Variants in SUGCT observed in about 807,000 individuals in gnomAD.
The protein encoded by SUGCT is succinyl-CoA:glutarate-CoA transferase.
In SUGCT, 41 loss-of-function variants were observed where a neutral mutation model predicts 55.0. That is an observed-to-expected ratio of 0.74 (90% confidence interval 0.58 to 0.97). The LOEUF (loss-of-function observed/expected upper bound fraction) is 0.97, where lower values mean the gene tolerates loss of function less well. Among genes scored for constraint, SUGCT ranks in the 50% least tolerant of loss-of-function variants. The pLI, the probability that SUGCT is intolerant of heterozygous loss-of-function variation, is 0.00. For missense variants in SUGCT, 568 were observed against 547.8 expected (o/e 1.04, Z -0.37); for synonymous variants, 187 against 200.4 (o/e 0.93, Z 0.56).
the SUGCT span, among the ~76,000 whole-genome samples, chr7:40,869,757 A>G: frequency 2.6e-5 from 4 of 152,096 alleles, no homozygotes; most frequent in Non-Finnish European, 5.9e-5. Flanking sequence ...AATCTGGGTC[A>G]GTCTCCAATC....
chr7:40,898,105 A>T, the SUGCT span, among the ~76,000 whole-genome samples: 1 of 152,280 alleles, frequency 6.6e-6, no homozygotes, highest in Non-Finnish European at 1.5e-5. Flanking sequence ...CTCACCCAGA[A>T]GGTCTGCAGC....
chr7:40,782,039 A>C (rs888047340), intron 13 of SUGCT, among the ~76,000 whole-genome samples: 5 of 152,098 alleles, frequency 3.3e-5, no homozygotes, highest in African/African-American at 1.2e-4. Flanking sequence ...GATTTTGGGT[A>C]ATTTTTATCT....
At chr7:40,712,245 G>C (rs912012799) in intron 12 of SUGCT, among the ~76,000 whole-genome samples, 1 of 152,136 alleles carries the variant, frequency 6.6e-6, no homozygotes, top group Non-Finnish European at 1.5e-5. Context: ...TTTGTTAAAG[G>C]AGCAACGCTA....
At chr7:40,352,623 C>A (rs1298696140) in intron 9 of SUGCT, among the ~76,000 whole-genome samples, 3 of 152,160 alleles carry the variant, frequency 2.0e-5, no homozygotes, top group African/African-American at 7.2e-5. Context: ...TCCATAAATA[C>A]ATGATTCATT....
chr7:40,446,880 C>G (rs1361321606), intron 9 of SUGCT, among the ~76,000 whole-genome samples: 1 of 152,114 alleles, frequency 6.6e-6, no homozygotes, highest in Non-Finnish European at 1.5e-5. Context: ...ACTAGCCACA[C>G]GTGGCTATTG....
intron 12 of SUGCT, among the ~76,000 whole-genome samples, chr7:40,736,874 A>G (rs1787190250): frequency 6.6e-6 from 1 of 152,204 alleles, no homozygotes. Flanking sequence ...CTAAAGAACT[A>G]TTCTACAGGA....
At chr7:40,272,321 T>A (rs1792120949) in intron 7 of SUGCT, among the ~76,000 whole-genome samples, 1 of 149,592 alleles carries the variant, frequency 6.7e-6, no homozygotes, top group Non-Finnish European at 1.5e-5. Context: ...GTACTAGGGG[T>A]GTGTGCCACC....
At chr7:40,998,907 G>A in the SUGCT span, among the ~76,000 whole-genome samples, 96 of 152,334 alleles carry the variant, frequency 6.3e-4, 1 homozygote, top group African/African-American at 2.2e-3. Flanking sequence ...TGCAGAAAAT[G>A]TGTTGAAAAG....
At chr7:40,848,354 G>A (rs1042061426) in intron 13 of SUGCT, among the ~76,000 whole-genome samples, 18 of 152,126 alleles carry the variant, frequency 1.2e-4, no homozygotes, top group Non-Finnish European at 2.4e-4. Flanking sequence ...TCCCCCTTAA[G>A]GAAATGTATA....
intron 12 of SUGCT, among the ~76,000 whole-genome samples, chr7:40,581,552 C>T (rs1797091163): frequency 6.6e-6 from 1 of 152,126 alleles, no homozygotes; most frequent in Non-Finnish European, 1.5e-5. Context: ...ATGAAGGAAG[C>T]CACATGGCGT....
At position 40,604,811 on chromosome 7, in the gene SUGCT, A is replaced by G. The variant is rs141734919; in HGVS notation, c.1089+108425A>G. Among the ~76,000 whole-genome samples, 65 of 152,236 alleles carry G rather than the reference A, an allele frequency of 4.3e-4. No homozygotes were observed. The East Asian group carries it at 0.01, about 24-fold the overall frequency. On this transcript the variant is annotated intron_variant, in intron 12 of 13. Coordinates refer to ENST00000335693, the MANE Select transcript of SUGCT (RefSeq NM_001193313.2). ...AGAGCCTCACCTTTGCCCTCTCCCT[A>G]TTTGCTCCCAAACGGGTTTGCCTGA...
At chr7:40,772,001 A>G (rs1026391607) in intron 13 of SUGCT, among the ~76,000 whole-genome samples, 7 of 152,044 alleles carry the variant, frequency 4.6e-5, no homozygotes, top group African/African-American at 1.7e-4. Flanking sequence ...AACTAGGGTG[A>G]CCATATGTTC....
chr7:40,512,376 G>A (rs1395921077), intron 12 of SUGCT, among the ~76,000 whole-genome samples: 1 of 152,136 alleles, frequency 6.6e-6, no homozygotes. Flanking sequence ...TGGAGTTATG[G>A]ATATCTGAAT....
At chr7:40,690,817 A>G (rs1187880481) in intron 12 of SUGCT, among the ~76,000 whole-genome samples, 1 of 152,130 alleles carries the variant, frequency 6.6e-6, no homozygotes, top group East Asian at 1.9e-4. Context: ...GGCTCAAGCC[A>G]TCCACACTCC....
intron 12 of SUGCT, among the ~76,000 whole-genome samples, chr7:40,744,158 A>G (rs891469663): frequency 9.9e-5 from 15 of 151,360 alleles, no homozygotes; most frequent in Non-Finnish European, 2.2e-4. Context: ...GAACTCCTGA[A>G]CTCAGGTGAT....
chr7:40,592,454 G>A (rs925123727), intron 12 of SUGCT, among the ~76,000 whole-genome samples: 2 of 152,212 alleles, frequency 1.3e-5, no homozygotes, highest in Non-Finnish European at 2.9e-5. Flanking sequence ...CAGAGGGATT[G>A]TGGGTAGAGA....
At chr7:40,827,574 G>A (rs895963222) in intron 13 of SUGCT, among the ~76,000 whole-genome samples, 6 of 152,114 alleles carry the variant, frequency 3.9e-5, no homozygotes, top group South Asian at 4.1e-4. Flanking sequence ...TAATTCCAGC[G>A]AAAGGTTAGA....
At chr7:40,718,032 T>G (rs574527697) in intron 12 of SUGCT, among the ~76,000 whole-genome samples, 4 of 152,304 alleles carry the variant, frequency 2.6e-5, no homozygotes, top group South Asian at 2.1e-4. Flanking sequence ...AATAAACTGA[T>G]AAGATTGACA....
At chr7:40,957,024 T>G in the SUGCT span, among the ~76,000 whole-genome samples, 1 of 152,088 alleles carries the variant, frequency 6.6e-6, no homozygotes, top group African/African-American at 2.4e-5. Context: ...TGTTAAGGAG[T>G]GTTTTACTTC....
Sources: allele counts gnomAD v4.1 joint callset (sites outside exome capture counted in the v4.1 genomes callset), GRCh38; gene constraint gnomAD v4.1.1; transcripts MANE v1.5; gene names NCBI Gene and HGNC (gene_info 2026-07-23, HGNC 2026-07-21).